Variants in ADGRD1 observed in about 807,000 individuals in gnomAD.
The protein encoded by ADGRD1 is adhesion G protein-coupled receptor D1.
Under a neutral mutation model 113.4 loss-of-function variants are expected in ADGRD1, and 77 were observed. That is an observed-to-expected ratio of 0.68 (90% CI 0.57 to 0.82). The LOEUF is 0.82. Ranked by LOEUF, ADGRD1 falls within the 40% of genes least tolerant of loss-of-function variation. ADGRD1 has a pLI of 0.00. For missense variants in ADGRD1, 1,036 were observed against 1,139.1 expected (o/e 0.91, Z 1.30); for synonymous variants, 474 against 475.0 (o/e 1.00, Z 0.03).
In ADGRD1 at chr12:130,981,885, G is replaced by A. The variant is rs1448807111; in HGVS notation, c.312G>A (p.Gly104=). ...ISKPEQCGPE[G]VTFSFFWKTQ... ...AACTGATCTTGTGACTTTCCTCAGGGGTCACGTTTTCTTTTTTCTGGAAGA... is the reference window on the plus strand; with the variant it reads ...AACTGATCTTGTGACTTTCCTCAGGAGTCACGTTTTCTTTTTTCTGGAAGA... The change falls in exon 5 of 25, where the codon GGG becomes GGA. Residue 104 remains glycine, a splice_region_variant and synonymous_variant. Transcript: ENST00000261654. The A allele has an allele frequency of 9.3e-6, 15 of 1,609,372 alleles. No homozygotes were observed. The highest frequency in any genetic ancestry group is 1.3e-5 in the African/African-American group (1 of 74,728).
chr12:131,124,244 G>T (rs552218759), intron 20 of ADGRD1, among the ~76,000 whole-genome samples: 13 of 152,224 alleles, frequency 8.5e-5, no homozygotes, highest in Non-Finnish European at 1.3e-4. Context: ...GCAGGTTTTG[G>T]GATAACAAGT....
rs749836301 is a variant in ADGRD1, at chr12:131,014,203, G to A, written c.1336G>A (p.Ala446Thr). 8.7e-6 allele frequency: 14 copies of A among 1,613,506 alleles called. No individual in the cohort carries two copies. In the Admixed American group the frequency reaches 1.0e-4, roughly 12 times the overall value. The change falls in exon 13 of 25, where the codon GCG (alanine) becomes ACG (threonine). Residue 446 changes from alanine to threonine, a missense_variant. By Grantham distance (58) the Ala-to-Thr change is moderately conservative. Coordinates refer to ENST00000261654, the MANE Select transcript of ADGRD1 (RefSeq NM_198827.5). The stretch of plus-strand genomic sequence containing the variant: ...TGATTTCCGTCTCTTCCCAAGGATC[G>A]CGGAGGCCATGCATCACCAGGACTG... ...NNIWPAHTKIAEAMHHQDCLL... is the reference protein window; with the variant it reads ...NNIWPAHTKITEAMHHQDCLL...
At chr12:130,963,254 A>G (rs1357811342) in intron 2 of ADGRD1, among the ~76,000 whole-genome samples, 1 of 133,638 alleles carries the variant, frequency 7.5e-6, no homozygotes, top group African/African-American at 2.8e-5. Flanking sequence ...CGGGAGGCGG[A>G]GCTTGCAGTG....
At position 131,089,553 on chromosome 12, in the gene ADGRD1, G is replaced by C. The variant is rs190995366; in HGVS notation, c.1671+4890G>C. Among the ~76,000 whole-genome samples the C allele has an allele frequency of 2.3e-3, 352 of 152,222 alleles. 2 individuals carry two copies. The highest frequency in any genetic ancestry group is 2.8e-3 in the Non-Finnish European group (189 of 68,000). On this transcript the variant is annotated intron_variant, in intron 15 of 24. Transcript: ENST00000261654. ...TGTTGGATACCCCCTGCCTGCAAGT[G>C]CTCCCTGCCAGTGGGTGCTCACTTC...
chr12:131,048,539 C>T (rs1372212111), intron 13 of ADGRD1, among the ~76,000 whole-genome samples: 1 of 152,150 alleles, frequency 6.6e-6, no homozygotes, highest in Non-Finnish European at 1.5e-5. Flanking sequence ...GCGTGGCCAC[C>T]GAGGGAGTCT....
At chr12:131,114,177 A>G (rs944424393) in intron 18 of ADGRD1, among the ~76,000 whole-genome samples, 8 of 152,314 alleles carry the variant, frequency 5.3e-5, no homozygotes, top group East Asian at 1.9e-4. Flanking sequence ...AGCCAAACCA[A>G]TCCAGCCTGG....
In ADGRD1 at chr12:131,012,630, G is replaced by C. The variant is rs572065661; in HGVS notation, c.1332-1569G>C. Among the ~76,000 whole-genome samples the C allele has an allele frequency of 2.0e-5, 3 of 152,316 alleles. No individual in the cohort carries two copies. The East Asian group carries it at 5.8e-4, about 29-fold the overall frequency. ...GCAGAGGCCGGGGGTGAGGTGGGAC[G>C]TGCTCCTGCTCCATGAGCCCCACCG... On this transcript the variant is annotated intron_variant, in intron 12 of 24. Coordinates refer to ENST00000261654, the MANE Select transcript of ADGRD1 (RefSeq NM_198827.5).
At chr12:131,001,696 A>G (rs1275809404) in intron 9 of ADGRD1, among the ~76,000 whole-genome samples, 2 of 152,136 alleles carry the variant, frequency 1.3e-5, no homozygotes, top group Non-Finnish European at 2.9e-5. Flanking sequence ...ATACTCAGGG[A>G]TCCTGGCTCC....
chr12:131,098,269 G>T (rs1032341836), intron 15 of ADGRD1, among the ~76,000 whole-genome samples: 19 of 98,944 alleles, frequency 1.9e-4, no homozygotes, highest in African/African-American at 4.9e-4. Flanking sequence ...CGAGCGGGGA[G>T]GGTCTTGCTT....
intron 15 of ADGRD1, among the ~76,000 whole-genome samples, chr12:131,094,408 G>T (rs1287786602): frequency 6.6e-6 from 1 of 152,166 alleles, no homozygotes; most frequent in Non-Finnish European, 1.5e-5. Flanking sequence ...TGTGGCTGTG[G>T]GCACCGGGGC....
chr12:131,047,398 G>C (rs1389362072), intron 13 of ADGRD1, among the ~76,000 whole-genome samples: 1 of 152,242 alleles, frequency 6.6e-6, no homozygotes, highest in Non-Finnish European at 1.5e-5. Context: ...CTGAAGGGCA[G>C]ATGGGTGGGA....
chr12:131,074,322 C>T (rs1173703733), intron 13 of ADGRD1, among the ~76,000 whole-genome samples: 23 of 152,226 alleles, frequency 1.5e-4, no homozygotes, highest in Admixed American at 1.2e-3. Context: ...GCCATGGAGC[C>T]GGCCCTGTGA....
rs1434597295 is a variant in ADGRD1 at position 131,071,938 on chromosome 12, G to A, written c.1474-4863G>A. Among the ~76,000 whole-genome samples the A allele has an allele frequency of 8.0e-5, 12 of 150,930 alleles. No homozygotes were observed. The East Asian group carries it at 1.4e-3, about 17-fold the overall frequency. Reference sequence around the variant, plus strand: ...GGGCTGTGGGTCCCGGCCTGGCTTCGTGTGCCGCGCTTTCCACTGAGAGCC... The same window carrying A: ...GGGCTGTGGGTCCCGGCCTGGCTTCATGTGCCGCGCTTTCCACTGAGAGCC... On this transcript the variant is annotated intron_variant, in intron 13 of 24. Coordinates refer to ENST00000261654, the MANE Select transcript of ADGRD1 (RefSeq NM_198827.5).
chr12:131,069,502 G>A (rs1279281484), intron 13 of ADGRD1: 2 of 152,398 alleles, frequency 1.3e-5, no homozygotes, highest in African/African-American at 4.8e-5. Context: ...GTAAAACAGA[G>A]CAGGACCAGG....
chr12:131,112,077 C>G (rs1039920592), intron 18 of ADGRD1, among the ~76,000 whole-genome samples: 1 of 152,086 alleles, frequency 6.6e-6, no homozygotes, highest in African/African-American at 2.4e-5. Context: ...TTCTGATTCC[C>G]TCCTTCCATG....
At chr12:131,094,502 C>T (rs893274042) in intron 15 of ADGRD1, among the ~76,000 whole-genome samples, 2 of 152,156 alleles carry the variant, frequency 1.3e-5, no homozygotes, top group African/African-American at 4.8e-5. Context: ...TCCACCCATC[C>T]CTGGACCCCT....
intron 2 of ADGRD1, among the ~76,000 whole-genome samples, chr12:130,958,387 A>G (rs1193641575): frequency 6.6e-6 from 1 of 152,028 alleles, no homozygotes; most frequent in Non-Finnish European, 1.5e-5. Flanking sequence ...TTTAGTAGAG[A>G]CGGGGTTTCA....
intron 13 of ADGRD1, among the ~76,000 whole-genome samples, chr12:131,063,133 A>G (rs1383445470): frequency 2.6e-5 from 4 of 152,210 alleles, no homozygotes; most frequent in Non-Finnish European, 5.9e-5. Flanking sequence ...ATAGATATGA[A>G]TTACAGATAG....
Position 131,075,374 on chromosome 12 carries a change from T to G in ADGRD1, c.1474-1427T>G, listed in dbSNP as rs1260223747. Among the ~76,000 whole-genome samples, 2 of 151,922 alleles carry G rather than the reference T, an allele frequency of 1.3e-5. No homozygotes were observed. Among genetic ancestry groups the G allele is most frequent in the Non-Finnish European group, 2.9e-5 (2 of 67,946 alleles). On this transcript the variant is annotated intron_variant, in intron 13 of 24. Coordinates refer to ENST00000261654, the MANE Select transcript of ADGRD1 (RefSeq NM_198827.5). The surrounding 1 kb of genome is among the most constrained non-coding windows in gnomAD (Gnocchi z 5.3). ...GATGCCCCTCTGTGGTCCTGGTGGC[T>G]GCAGGACACAGGGCCCTCTGTTGTC...
Sources: allele counts gnomAD v4.1 joint callset (sites outside exome capture counted in the v4.1 genomes callset), GRCh38; gene constraint gnomAD v4.1.1; non-coding constraint Gnocchi (gnomAD v3.1); transcripts MANE v1.5; gene names NCBI Gene and HGNC (gene_info 2026-07-23, HGNC 2026-07-21).